PFKFB3: variants seen among roughly 807,000 people sequenced by gnomAD.
PFKFB3 encodes the protein 6-phosphofructo-2-kinase/fructose-2,6-bisphosphatase 3.
A neutral mutation model predicts 68.0 loss-of-function variants in PFKFB3; 33 were observed. That is an observed-to-expected ratio of 0.49 (90% CI 0.37 to 0.65). The LOEUF (loss-of-function observed/expected upper bound fraction) is 0.65, where lower values mean the gene tolerates loss of function less well. Ranked by LOEUF, PFKFB3 falls within the 30% of genes least tolerant of loss-of-function variation. The pLI is 0.00. For synonymous variants in PFKFB3, 315 were observed against 288.2 expected (o/e 1.09, Z -0.94); for missense variants, 586 against 712.2 (o/e 0.82, Z 2.02).
chr10:6,227,893 G>A (rs902520544), intron 14 of PFKFB3, among the ~76,000 whole-genome samples: 2 of 152,180 alleles, frequency 1.3e-5, no homozygotes, highest in African/African-American at 4.8e-5. Flanking sequence ...TGATGGAAAT[G>A]TGCAGTTGTA....
chr10:6,284,280 G>A, the PFKFB3 span, among the ~76,000 whole-genome samples: 1 of 152,178 alleles, frequency 6.6e-6, no homozygotes, highest in Non-Finnish European at 1.5e-5. Context: ...CCGGGGTGTT[G>A]AAGTCTTCAA....
At chr10:6,241,847 CTT>C (rs200489171) in intron 14 of PFKFB3, among the ~76,000 whole-genome samples, 3 of 134,226 alleles carry the variant, frequency 2.2e-5, no homozygotes, top group African/African-American at 2.7e-5. Context: ...GCTTTCTTTT[CTT>C]TTTTTTTTTT....
At chr10:6,192,030 CT>C (rs1210927257) in intron 1 of PFKFB3, among the ~76,000 whole-genome samples, 1 of 151,254 alleles carries the variant, frequency 6.6e-6, no homozygotes, top group Non-Finnish European at 1.5e-5. Context: ...TTTTTTTTAA[CT>C]ATCCAGGCCC....
chr10:6,180,921 C>G (rs534661398), intron 1 of PFKFB3, among the ~76,000 whole-genome samples: 31 of 152,280 alleles, frequency 2.0e-4, no homozygotes, highest in Admixed American at 1.0e-3. Flanking sequence ...ATCCTGATCA[C>G]GTGACAGAGG....
intron 1 of PFKFB3, among the ~76,000 whole-genome samples, chr10:6,212,275 G>A (rs942663721): frequency 9.8e-5 from 15 of 152,364 alleles, no homozygotes; most frequent in South Asian, 8.3e-4. Context: ...AGGGCCAGGC[G>A]ACAGCCGGGG....
intron 1 of PFKFB3, among the ~76,000 whole-genome samples, chr10:6,182,671 C>T (rs1842752289): frequency 6.6e-6 from 1 of 152,228 alleles, no homozygotes; most frequent in East Asian, 1.9e-4. Flanking sequence ...CCCTGTTCCC[C>T]TTCTAGGCTT....
chr10:6,237,592 AG>A (rs1846044820), downstream of PFKFB3, among the ~76,000 whole-genome samples: 1 of 152,230 alleles, frequency 6.6e-6, no homozygotes, highest in Non-Finnish European at 1.5e-5. Context: ...TTTTTGAGAC[AG>A]GGTTTTGCTC....
rs377067708 is a variant in PFKFB3 at position 6,244,578 on chromosome 10, C to T, written c.1516-9600C>T. Among the ~76,000 whole-genome samples, 42 of 152,220 alleles carry T rather than the reference C, an allele frequency of 2.8e-4. No individual in the cohort carries two copies. In the East Asian group the frequency reaches 3.3e-3, roughly 12 times the overall value. Reference sequence around the variant, plus strand: ...ACCTTAGCCCAGTTGAGAATCTGGGCTAAGATTCTGTCGCTATTCTCTTAC... The same window carrying T: ...ACCTTAGCCCAGTTGAGAATCTGGGTTAAGATTCTGTCGCTATTCTCTTAC... On this transcript the variant is annotated intron_variant, in intron 14 of 14. Coordinates refer to the PFKFB3 transcript ENST00000640683.
chr10:6,157,698 G>T (rs1397765726), intron 1 of PFKFB3, among the ~76,000 whole-genome samples: 1 of 152,210 alleles, frequency 6.6e-6, no homozygotes, highest in Non-Finnish European at 1.5e-5. Flanking sequence ...GAAATCATCT[G>T]TTGTTCAAAT....
intron 13 of PFKFB3, 118 bp from the exon 14 acceptor site, chr10:6,226,074 C>T (rs1281462998): frequency 1.1e-6 from 1 of 909,068 alleles, no homozygotes; most frequent in Non-Finnish European, 1.7e-6. Flanking sequence ...CGGCCACTCC[C>T]CTCGGTCAGT....
rs186521852 is a variant in PFKFB3, at chr10:6,154,334, C to G, written c.16+9321C>G. Among the ~76,000 whole-genome samples, 1 of 152,084 alleles carries G rather than the reference C, an allele frequency of 6.6e-6. No homozygotes were observed. Among genetic ancestry groups the G allele is most frequent in the Admixed American group, 6.5e-5 (1 of 15,282 alleles). On this transcript the variant is annotated intron_variant, in intron 1 of 14. Coordinates refer to the PFKFB3 transcript ENST00000379789. The surrounding 1 kb of genome is among the most constrained non-coding windows in gnomAD (Gnocchi z 4.6). Reference sequence around the variant, plus strand: ...GTTCTCGGCTCACTGCAACCTCTGCCTCTCGAGTTCAAGCGATCCTCCTGC... The same window carrying G: ...GTTCTCGGCTCACTGCAACCTCTGCGTCTCGAGTTCAAGCGATCCTCCTGC...
At chr10:6,256,004 C>G (rs1027392849), downstream of PFKFB3, among the ~76,000 whole-genome samples, 5 of 152,208 alleles carry the variant, frequency 3.3e-5, no homozygotes, top group Non-Finnish European at 7.3e-5. Context: ...AGGCCAGGAA[C>G]AAGGGGCGTA....
At chr10:6,178,232 C>G (rs1024873934) in intron 1 of PFKFB3, among the ~76,000 whole-genome samples, 2 of 152,136 alleles carry the variant, frequency 1.3e-5, no homozygotes, top group Non-Finnish European at 2.9e-5. Context: ...TGATGCTGGG[C>G]ACCTGCTGAT....
chr10:6,282,759 C>T, the PFKFB3 span, among the ~76,000 whole-genome samples: 655 of 152,198 alleles, frequency 4.3e-3, 8 homozygotes, highest in African/African-American at 0.015. Flanking sequence ...AGTGAGTTTA[C>T]CCTGACTTGG....
At chr10:6,174,446 G>C (rs1257264004) in intron 1 of PFKFB3, among the ~76,000 whole-genome samples, 2 of 152,204 alleles carry the variant, frequency 1.3e-5, no homozygotes, top group African/African-American at 4.8e-5. Flanking sequence ...GATGGGACGC[G>C]GGCATCAGCT....
chr10:6,293,642 G>A, the PFKFB3 span: 66 of 251,590 alleles, frequency 2.6e-4, no homozygotes, highest in African/African-American at 1.4e-3. Flanking sequence ...CACGACGTCC[G>A]GTCTATTTTT....
In PFKFB3 at chr10:6,233,875, C is replaced by T. The variant is rs1845888285; in HGVS notation, c.*933C>T. ...GGTGGGGAGCGGAACACCTGGCATC[C>T]TTCCCCAGCACTTGCATTACCGTCC... On this transcript the variant is annotated 3_prime_UTR_variant, in exon 15 of 15. Transcript: ENST00000379775. The T allele has an allele frequency of 6.5e-6, 1 of 152,846 alleles. No homozygotes were observed. Among genetic ancestry groups the T allele is most frequent in the African/African-American group, 2.4e-5 (1 of 41,476 alleles). The allele number at this position is 152,846 out of a possible 1,614,324, so 9.5% of individuals were successfully genotyped here.
chr10:6,225,390 C>T (rs1845273994), intron 13 of PFKFB3: 3 of 365,880 alleles, frequency 8.2e-6, no homozygotes, highest in African/African-American at 4.2e-5. Flanking sequence ...GTCCCTGTCA[C>T]CCCCTCCACT....
chr10:6,298,914 C>T, the PFKFB3 span, among the ~76,000 whole-genome samples: 2 of 152,190 alleles, frequency 1.3e-5, no homozygotes, highest in African/African-American at 4.8e-5. Flanking sequence ...ATCTTATTTT[C>T]TCCACCTGAT....
Sources: gnomAD v4.1 joint callset for allele counts (sites outside exome capture counted in the v4.1 genomes callset) on GRCh38, gnomAD v4.1.1 for gene constraint, Gnocchi (gnomAD v3.1) non-coding constraint, MANE v1.5 for transcripts, NCBI Gene and HGNC (gene_info 2026-07-23, HGNC 2026-07-21) for gene names.